Variants in EPB41 observed in about 807,000 individuals in gnomAD.
The protein encoded by EPB41 is erythrocyte membrane protein band 4.1, also known as protein 4.1.
Under a neutral mutation model 108.0 loss-of-function variants are expected in EPB41, and 65 were observed. The observed-to-expected ratio is 0.60, with a 90% CI of 0.49 to 0.74. EPB41 has a LOEUF of 0.74. Among genes scored for constraint, EPB41 ranks in the 30% least tolerant of loss-of-function variants. The pLI, the probability that EPB41 is intolerant of heterozygous loss-of-function variation, is 0.00. For synonymous variants in EPB41, 336 were observed against 358.9 expected (o/e 0.94, Z 0.72); for missense variants, 875 against 1,037.0 (o/e 0.84, Z 2.15).
intron 1 of EPB41, chr1:28,982,597 A>G: frequency 6.7e-7 from 1 of 1,502,578 alleles, no homozygotes; most frequent in Non-Finnish European, 9.2e-7. Context: ...CCCAGGTTTC[A>G]TGAACTTGCC....
At chr1:28,962,026 T>A (rs1160140785) in intron 1 of EPB41, among the ~76,000 whole-genome samples, 1 of 152,074 alleles carries the variant, frequency 6.6e-6, no homozygotes, top group African/African-American at 2.4e-5. Flanking sequence ...ATTTTTTTTT[T>A]AATGGAGATA....
intron 14 of EPB41, among the ~76,000 whole-genome samples, chr1:29,059,714 G>A (rs1423103522): frequency 6.6e-6 from 1 of 152,120 alleles, no homozygotes; most frequent in Non-Finnish European, 1.5e-5. Flanking sequence ...GGAGGTTAAG[G>A]CTGCTGTGAG....
chr1:29,006,458 C>T (rs547690389), intron 4 of EPB41, among the ~76,000 whole-genome samples: 2 of 152,024 alleles, frequency 1.3e-5, no homozygotes, highest in East Asian at 1.9e-4. Flanking sequence ...AGGATGGTCT[C>T]GATCTCCTGA....
chr1:29,105,875 G>A (rs1012494304), intron 17 of EPB41, among the ~76,000 whole-genome samples: 2 of 151,088 alleles, frequency 1.3e-5, no homozygotes, highest in African/African-American at 4.9e-5. Flanking sequence ...AGCCTCCAGA[G>A]TAACTGGACT....
rs777392907 is a variant in EPB41 at position 29,119,878 on chromosome 1, G to C, written c.*3066G>C. ...TTGTTTACATTTCTTGAAAAAATAG[G>C]AACTCGGGCAGCAGAATCAGATTGG... On this transcript the variant is annotated 3_prime_UTR_variant, in exon 21 of 21. Coordinates refer to ENST00000343067, the MANE Select transcript of EPB41 (RefSeq NM_001376013.1). 6.6e-6 allele frequency: 1 copy of C among 152,572 alleles called. No homozygotes were observed. The highest frequency in any genetic ancestry group is 1.5e-5 in the Non-Finnish European group (1 of 68,008). The allele number at this position is 152,572 out of a possible 1,614,324, so 9.5% of individuals were successfully genotyped here.
intron 16 of EPB41, among the ~76,000 whole-genome samples, chr1:29,091,259 TTATTAATCAGCCTTC>T (rs1661064429): frequency 6.6e-6 from 1 of 152,220 alleles, no homozygotes. Context: ...ATTTGTCTGA[TTATTAATCAGCCTTC>T]TCAGTTGTGA....
intron 1 of EPB41, among the ~76,000 whole-genome samples, chr1:28,968,148 A>G (rs957375576): frequency 6.6e-5 from 10 of 151,774 alleles, no homozygotes; most frequent in African/African-American, 2.2e-4. Context: ...CACGAGGTCA[A>G]GAGATCGACA....
chr1:28,934,156 A>G (rs1263703526), intron 1 of EPB41, among the ~76,000 whole-genome samples: 2 of 152,092 alleles, frequency 1.3e-5, no homozygotes, highest in African/African-American at 4.8e-5. Flanking sequence ...GATATTTGTA[A>G]GATTGCCTCA....
chr1:29,009,040 A>G (rs2096457706), intron 4 of EPB41, among the ~76,000 whole-genome samples: 1 of 151,932 alleles, frequency 6.6e-6, no homozygotes, highest in African/African-American at 2.4e-5. Flanking sequence ...CATATTTTTT[A>G]TCATTGTAAT....
At chr1:29,070,528 T>C in intron 16 of EPB41, 1 of 1,232,156 alleles carries the variant, frequency 8.1e-7, no homozygotes, top group Non-Finnish European at 1.0e-6. Flanking sequence ...ACCTCTACTT[T>C]AGTACTTTTC....
chr1:29,102,926 C>G (rs1665933673), intron 17 of EPB41, among the ~76,000 whole-genome samples: 1 of 152,178 alleles, frequency 6.6e-6, no homozygotes, highest in Admixed American at 6.5e-5. Flanking sequence ...GCACCCACCA[C>G]CACACCCAGC....
rs146623477 is a variant in EPB41, at chr1:28,991,430, G to A, written c.469-1900G>A. 8.1e-4 allele frequency among the ~76,000 whole-genome samples: 123 copies of A among 152,016 alleles called. 1 individual carries two copies. The highest frequency in any genetic ancestry group is 4.2e-3 in the East Asian group (22 of 5,184). On this transcript the variant is annotated intron_variant, in intron 2 of 20. Coordinates refer to ENST00000343067, the MANE Select transcript of EPB41 (RefSeq NM_001376013.1). ...AAAATCATGGATTTTGGGGCTGAGT[G>A]TGGTGGCTCATGCCTGTAAATCCAG...
intron 1 of EPB41, among the ~76,000 whole-genome samples, chr1:28,960,672 G>A (rs1044502314): frequency 2.0e-5 from 3 of 151,876 alleles, no homozygotes; most frequent in Admixed American, 2.0e-4. Context: ...TGACGCTGAA[G>A]TGAGCTGAGA....
Position 29,018,177 on chromosome 1 carries a change from T to TTTG in EPB41, c.906-34_906-32dup, listed in dbSNP as rs763112243. Reference sequence around the variant, plus strand: ...TTTTCTCCTTTTTCTCTCTTTATATTTTGTTGTTGTTGTTGCTGACATAAC... The same window carrying TTTG: ...TTTTCTCCTTTTTCTCTCTTTATATTTTGTTGTTGTTGTTGTTGCTGACATAAC... On this transcript the variant is annotated intron_variant, in intron 6 of 20. Transcript: ENST00000343067. This position sits in a 1 kb window ranked among gnomAD's most constrained non-coding sequence, Gnocchi z 4.4. The TTTG allele has an allele frequency of 6.5e-7, 1 of 1,544,258 alleles. No individual in the cohort carries two copies. Among genetic ancestry groups the TTTG allele is most frequent in the Non-Finnish European group, 8.9e-7 (1 of 1,117,340 alleles).
intron 16 of EPB41, among the ~76,000 whole-genome samples, chr1:29,090,577 C>A (rs933385193): frequency 1.8e-4 from 27 of 152,142 alleles, no homozygotes; most frequent in African/African-American, 6.3e-4. Context: ...ATGGAGAAAC[C>A]CTGTCTCTAC....
chr1:29,016,476 A>G (rs2096580954), intron 6 of EPB41, among the ~76,000 whole-genome samples: 1 of 151,514 alleles, frequency 6.6e-6, no homozygotes, highest in Admixed American at 6.6e-5. Flanking sequence ...GGCTTGAGCC[A>G]CTGCACCCGG....
chr1:28,975,940 C>CAAAAAAAA (rs775554564), intron 1 of EPB41, among the ~76,000 whole-genome samples: 24 of 67,432 alleles, frequency 3.6e-4, no homozygotes, highest in Non-Finnish European at 5.1e-4. Context: ...GACTCCATCT[C>CAAAAAAAA]AAAAAAAAAA....
chr1:28,954,461 A>G (rs2094865893), intron 1 of EPB41, among the ~76,000 whole-genome samples: 2 of 152,208 alleles, frequency 1.3e-5, no homozygotes, highest in Admixed American at 1.3e-4. Context: ...CCCTTTGTTT[A>G]GCATTAGATC....
chr1:28,939,517 C>T (rs1394163894), intron 1 of EPB41, among the ~76,000 whole-genome samples: 2 of 152,062 alleles, frequency 1.3e-5, no homozygotes, highest in African/African-American at 4.8e-5. Flanking sequence ...GATCTTGGCT[C>T]ACTGCAATGA....
Sources: allele counts gnomAD v4.1 joint callset (sites outside exome capture counted in the v4.1 genomes callset), GRCh38; gene constraint gnomAD v4.1.1; non-coding constraint Gnocchi (gnomAD v3.1); transcripts MANE v1.5; gene names NCBI Gene and HGNC (gene_info 2026-07-23, HGNC 2026-07-21).